ABCG1: variants seen among roughly 807,000 people sequenced by gnomAD.
The protein encoded by ABCG1 is ATP binding cassette subfamily G member 1, also known as ATP-binding cassette sub-family G member 1.
In ABCG1, 29 loss-of-function variants were observed where a neutral mutation model predicts 69.2. That is an observed-to-expected ratio of 0.42 (90% CI 0.31 to 0.57). The LOEUF is 0.57. Ranked by LOEUF, ABCG1 falls within the 20% of genes least tolerant of loss-of-function variation. The probability of loss-of-function intolerance (pLI) is 0.15; values close to 1 mark genes in which losing one functional copy is unlikely to be tolerated. For synonymous variants in ABCG1, 370 were observed against 374.8 expected, an observed-to-expected ratio of 0.99 and a Z score of 0.15; for missense variants, 718 against 898.1, an observed-to-expected ratio of 0.80 and a Z score of 2.56.
At chr21:42,224,658 T>C (rs527365316) in intron 1 of ABCG1, among the ~76,000 whole-genome samples, 26 of 152,348 alleles carry the variant, frequency 1.7e-4, no homozygotes, top group African/African-American at 5.8e-4. Flanking sequence ...GGGGTGTGTG[T>C]GTGCTTTTGG....
chr21:42,284,267 CT>C (rs200553280), intron 6 of ABCG1, among the ~76,000 whole-genome samples: 6,543 of 151,424 alleles, frequency 0.043, 308 homozygotes, highest in Admixed American at 0.066. Context: ...AAGTCCCTCC[CT>C]GCCCAGATGA....
chr21:42,262,921 TC>T (rs2068438400), intron 2 of ABCG1, among the ~76,000 whole-genome samples: 1 of 152,224 alleles, frequency 6.6e-6, no homozygotes, highest in Non-Finnish European at 1.5e-5. Flanking sequence ...TGAGGCCCGT[TC>T]TGTGACTCAT....
chr21:42,206,516 G>T (rs557480189), intron 2 of ABCG1, among the ~76,000 whole-genome samples: 1 of 152,308 alleles, frequency 6.6e-6, no homozygotes, highest in South Asian at 2.1e-4. Flanking sequence ...TTCTTCTGTT[G>T]TTGGGTGGAG....
intron 2 of ABCG1, among the ~76,000 whole-genome samples, chr21:42,240,959 C>T (rs1345839862): frequency 1.3e-5 from 2 of 152,234 alleles, no homozygotes; most frequent in Admixed American, 6.5e-5. Context: ...CCCAGGGGAC[C>T]GAGGGCACAG....
chr21:42,259,595 GC>G (rs1305819490), intron 2 of ABCG1: 11 of 1,451,070 alleles, frequency 7.6e-6, no homozygotes, highest in African/African-American at 2.9e-5. Flanking sequence ...TGCGGAGCTG[GC>G]CATTACCTTG....
chr21:42,293,590 C>T (rs1425041917), intron 13 of ABCG1, among the ~76,000 whole-genome samples: 2 of 129,180 alleles, frequency 1.5e-5, no homozygotes, highest in Admixed American at 1.6e-4. Flanking sequence ...TACACACATA[C>T]CACACTACAC....
rs2069207423 is a variant in ABCG1 at position 42,296,234 on chromosome 21, G to A, written c.1843G>A (p.Glu615Lys). Reference protein sequence around the residue: ...DREDLHCDIDETCHFQKSEAI... With the variant: ...DREDLHCDIDKTCHFQKSEAI... ...GGAAGATCTGCACTGTGACATCGAC[G>A]AGACGTGCCACTTCCAGAAGTCGGA... The change falls in exon 15 of 15, where the codon GAG becomes AAG. Residue 615 changes from glutamate to lysine, a missense_variant. By Grantham distance (56) the Glu-to-Lys change is moderately conservative (BLOSUM62 1). Transcript: ENST00000398449. This position sits in a 1 kb window ranked among gnomAD's most constrained non-coding sequence, Gnocchi z 5.4. The A allele has an allele frequency of 3.7e-6, 6 of 1,614,028 alleles. No individual in the cohort carries two copies. The highest frequency in any genetic ancestry group is 1.3e-5 in the African/African-American group (1 of 74,904).
In ABCG1 at chr21:42,271,041, G is replaced by C. The variant is rs769315931; in HGVS notation, c.287-29G>C. The C allele has an allele frequency of 2.5e-5, 34 of 1,376,818 alleles. 1 individual carries two copies. The Middle Eastern group carries it at 7.5e-4, about 30-fold the overall frequency. The allele number at this position is 1,376,818 out of a possible 1,614,324, so 85.3% of individuals were successfully genotyped here. On this transcript the variant is annotated intron_variant, in intron 2 of 14. Coordinates refer to ENST00000398449, the MANE Select transcript of ABCG1 (RefSeq NM_016818.3). The stretch of plus-strand genomic sequence containing the variant: ...TACTGCATTAGAGATAAAATGAAAT[G>C]AATATGAATATGATCTGCTTTTTTG...
upstream of ABCG1, among the ~76,000 whole-genome samples, chr21:42,218,933 G>A (rs1419919244): frequency 3.9e-5 from 6 of 152,188 alleles, no homozygotes; most frequent in East Asian, 1.2e-3. Context: ...TTTCCGGGGT[G>A]GCAGGGGGTT....
intron 2 of ABCG1, among the ~76,000 whole-genome samples, chr21:42,203,202 A>G (rs2067520125): frequency 6.6e-6 from 1 of 152,214 alleles, no homozygotes; most frequent in Non-Finnish European, 1.5e-5. Flanking sequence ...AGGCATTATG[A>G]ATCCTAATCC....
chr21:42,203,735 C>G (rs2067523459), intron 2 of ABCG1, among the ~76,000 whole-genome samples: 1 of 152,166 alleles, frequency 6.6e-6, no homozygotes, highest in Non-Finnish European at 1.5e-5. Flanking sequence ...ACTATTCTAA[C>G]TCCTTGGCCT....
At chr21:42,292,832 T>C (rs1271877156) in intron 13 of ABCG1, among the ~76,000 whole-genome samples, 8 of 79,692 alleles carry the variant, frequency 1.0e-4, no homozygotes, top group African/African-American at 2.0e-4. Flanking sequence ...CCACACACAC[T>C]ACACACCACA....
At chr21:42,219,075 G>T (rs1033546497), upstream of ABCG1, 3 of 359,726 alleles carry the variant, frequency 8.3e-6, no homozygotes, top group Non-Finnish European at 1.3e-5. This position sits in a 1 kb window ranked among gnomAD's most constrained non-coding sequence, Gnocchi z 5.3. Context: ...CCTTGGTGCC[G>T]GCCAATCGCG....
At chr21:42,247,488 A>G (rs566794685) in intron 2 of ABCG1, among the ~76,000 whole-genome samples, 2 of 152,194 alleles carry the variant, frequency 1.3e-5, no homozygotes, top group African/African-American at 2.4e-5. Context: ...TTTAGAATTT[A>G]GGTAACGGGA....
chr21:42,211,740 T>G (rs548757814), upstream of ABCG1, among the ~76,000 whole-genome samples: 1 of 148,354 alleles, frequency 6.7e-6, no homozygotes, highest in East Asian at 2.0e-4. Context: ...AAAAAAAAAA[T>G]TAGCTGGGCA....
At chr21:42,249,124 G>A (rs2068180856) in intron 2 of ABCG1, among the ~76,000 whole-genome samples, 3 of 152,110 alleles carry the variant, frequency 2.0e-5, no homozygotes, top group Non-Finnish European at 4.4e-5. Flanking sequence ...AATTGTTAAA[G>A]GATAAATACG....
chr21:42,209,553 T>C (rs541068490), intron 2 of ABCG1, among the ~76,000 whole-genome samples: 2 of 152,344 alleles, frequency 1.3e-5, no homozygotes, highest in East Asian at 3.9e-4. Flanking sequence ...AGGGTCAATC[T>C]AGAAACTACT....
chr21:42,286,121 G>A (rs948525412), intron 8 of ABCG1, 127 bp downstream of exon 8: 3 of 678,630 alleles, frequency 4.4e-6, no homozygotes, highest in Non-Finnish European at 7.8e-6. Flanking sequence ...GTGTCATCCA[G>A]TTATAAAACG....
rs1374612999 is a variant in ABCG1 at position 42,219,192 on chromosome 21, C to CAGCCTCGGCCCCGCAGCTCA, written c.-63_-44dup. 7 of 1,298,866 alleles carry CAGCCTCGGCCCCGCAGCTCA rather than the reference C, an allele frequency of 5.4e-6. No individual in the cohort carries two copies. Among genetic ancestry groups the CAGCCTCGGCCCCGCAGCTCA allele is most frequent in the Non-Finnish European group, 6.9e-6 (7 of 1,015,278 alleles). The allele number at this position is 1,298,866 out of a possible 1,614,324, so 80.5% of individuals were successfully genotyped here. A position where few individuals can be genotyped will look rare whatever the true frequency, so the allele number is the denominator to read the frequency against. On this transcript the variant is annotated 5_prime_UTR_variant, in exon 1 of 15. Transcript: ENST00000398449. The surrounding 1 kb of genome is among the most constrained non-coding windows in gnomAD (Gnocchi z 5.3). ...GCAGCGGCTGAGCCGGGAGCCAGCG[C>CAGCCTCGGCCCCGCAGCTCA]AGCCTCGGCCCCGCAGCTCAAGCCT...
Sources: gnomAD v4.1 joint callset for allele counts (sites outside exome capture counted in the v4.1 genomes callset) on GRCh38, gnomAD v4.1.1 for gene constraint, Gnocchi (gnomAD v3.1) non-coding constraint, MANE v1.5 for transcripts, NCBI Gene and HGNC (gene_info 2026-07-23, HGNC 2026-07-21) for gene names.